RABIF: variants seen among roughly 807,000 people sequenced by gnomAD.
The protein encoded by RABIF is guanine nucleotide exchange factor MSS4.
In RABIF, 13 loss-of-function variants were observed where a neutral mutation model predicts 12.3. The ratio of observed to expected loss-of-function variants is 1.06; its 90% CI spans 0.69 to 1.68. The LOEUF (loss-of-function observed/expected upper bound fraction) is 1.68, where lower values mean the gene tolerates loss of function less well. RABIF is among the 40% of genes most tolerant of loss of function. The pLI, the probability that RABIF is intolerant of heterozygous loss-of-function variation, is 0.00. For synonymous variants in RABIF, 70 were observed against 63.3 expected, an observed-to-expected ratio of 1.11 and a Z score of -0.50; for missense variants, 153 against 158.0, an observed-to-expected ratio of 0.97 and a Z score of 0.17.
intron 1 of RABIF, among the ~76,000 whole-genome samples, chr1:202,885,749 A>G (rs1482397019): frequency 2.6e-5 from 4 of 152,208 alleles, no homozygotes; most frequent in African/African-American, 9.7e-5. Flanking sequence ...TCTACCTTCT[A>G]TTTACATCAT....
intron 1 of RABIF, among the ~76,000 whole-genome samples, chr1:202,887,857 CA>C (rs1242024444): frequency 6.6e-6 from 1 of 152,150 alleles, no homozygotes; most frequent in African/African-American, 2.4e-5. Context: ...ATGTATGTTT[CA>C]ATTCCAAGAT....
chr1:202,884,858 C>A (rs1659536497), intron 1 of RABIF, among the ~76,000 whole-genome samples: 1 of 151,702 alleles, frequency 6.6e-6, no homozygotes, highest in Admixed American at 6.6e-5. Context: ...GCTGAGGTGG[C>A]CGGATCACCT....
chr1:202,883,528 T>A (rs777314893), intron 1 of RABIF, among the ~76,000 whole-genome samples: 6 of 152,242 alleles, frequency 3.9e-5, no homozygotes, highest in Non-Finnish European at 7.3e-5. Flanking sequence ...TTATCCCCTA[T>A]ACTGTAGGTG....
chr1:202,879,726 T>C lies in RABIF; in HGVS notation c.*1252A>G, dbSNP rs1320035901. On this transcript the variant is annotated 3_prime_UTR_variant, in exon 2 of 2. Transcript: ENST00000367262. ...GGGGGTAAAGGAATGAGGAAGCAAC[T>C]AGAAAACAATGGAAGGGACTTCAGA... 2.6e-5 allele frequency: 4 copies of C among 152,228 alleles called. No homozygotes were observed. Among genetic ancestry groups the C allele is most frequent in the Admixed American group, 1.3e-4 (2 of 15,284 alleles). 9.4% of individuals were successfully genotyped at this position (152,228 alleles called of 1,614,324 possible).
chr1:202,888,315 T>C (rs1444972645), intron 1 of RABIF, among the ~76,000 whole-genome samples: 1 of 152,182 alleles, frequency 6.6e-6, no homozygotes, highest in African/African-American at 2.4e-5. Flanking sequence ...AAAGTTTTTC[T>C]TCGAAATTTA....
chr1:202,880,965 C>A lies in RABIF; in HGVS notation c.*13G>T. On this transcript the variant is annotated 3_prime_UTR_variant, in exon 2 of 2. Coordinates refer to ENST00000367262, the MANE Select transcript of RABIF (RefSeq NM_002871.5). ...TTATCTTTGGAGATGGAGCTGAGTACCCCTCCCCTCAGTTACTCATGGGAA... is the reference window on the plus strand; with the variant it reads ...TTATCTTTGGAGATGGAGCTGAGTAACCCTCCCCTCAGTTACTCATGGGAA... 6.2e-7 allele frequency: 1 copy of A among 1,611,900 alleles called. No homozygotes were observed. Among genetic ancestry groups the A allele is most frequent in the Non-Finnish European group, 8.5e-7 (1 of 1,178,228 alleles).
At chr1:202,884,729 G>C (rs1571504930) in intron 1 of RABIF, among the ~76,000 whole-genome samples, 2 of 152,050 alleles carry the variant, frequency 1.3e-5, no homozygotes, top group African/African-American at 4.8e-5. Flanking sequence ...CATCACATCA[G>C]AGACCCCCAG....
rs1221106452 is a variant in RABIF, at chr1:202,889,025, C to T, written c.74G>A (p.Arg25His). The T allele has an allele frequency of 3.1e-6, 5 of 1,606,534 alleles. No individual in the cohort carries two copies. Among genetic ancestry groups the T allele is most frequent in the Non-Finnish European group, 4.2e-6 (5 of 1,177,162 alleles). The change falls in exon 1 of 2, where the codon CGT (arginine) becomes CAT (histidine). Residue 25 changes from arginine (R) to histidine (H), a missense_variant. By Grantham distance (29) the Arg-to-His change is conservative (BLOSUM62 0). Coordinates refer to ENST00000367262, the MANE Select transcript of RABIF (RefSeq NM_002871.5). ...GRNRKAVLCQ[R>H]CGSRVLQPGT... ...TGGCTGCAGCACCCGGGAGCCGCAA[C>T]GCTGGCACAGCACCGCCTTCCGGTT...
rs754292384 is a variant in RABIF at position 202,880,856 on chromosome 1, G to A, written c.*122C>T. 16 of 1,511,674 alleles carry A rather than the reference G, an allele frequency of 1.1e-5. No homozygotes were observed. Among genetic ancestry groups the A allele is most frequent in the Admixed American group, 2.2e-5 (1 of 46,362 alleles). 93.6% of individuals were successfully genotyped at this position (1,511,674 alleles called of 1,614,324 possible). On this transcript the variant is annotated 3_prime_UTR_variant, in exon 2 of 2. Transcript: ENST00000367262. Reference sequence around the variant, plus strand: ...TCTGCATGTTCAAATGGACATGCTGGTACTCAGTATTTATATTAGCACAGA... The same window carrying A: ...TCTGCATGTTCAAATGGACATGCTGATACTCAGTATTTATATTAGCACAGA...
chr1:202,885,351 G>T, intron 1 of RABIF, among the ~76,000 whole-genome samples: 1 of 152,212 alleles, frequency 6.6e-6, no homozygotes, highest in Middle Eastern at 3.2e-3. Context: ...TGGCAATCTA[G>T]TTCTCCAACT....
rs1262875511 is a variant in RABIF, at chr1:202,878,866, T to A, written c.*2112A>T. On this transcript the variant is annotated 3_prime_UTR_variant, in exon 2 of 2. Transcript: ENST00000367262. ...TATAGCTGACTAGATAATCAGTTGG[T>A]TGACCTTAAGCTAAACCCCAAGGTT... The A allele has an allele frequency of 6.6e-6, 1 of 152,228 alleles. No homozygotes were observed. The highest frequency in any genetic ancestry group is 1.5e-5 in the Non-Finnish European group (1 of 68,034). The allele number at this position is 152,228 out of a possible 1,614,324, so 9.4% of individuals were successfully genotyped here. A position where few individuals can be genotyped will look rare whatever the true frequency, so the allele number is the denominator to read the frequency against.
At position 202,879,045 on chromosome 1, in the gene RABIF, T is replaced by C. The variant is rs541573072; in HGVS notation, c.*1933A>G. The C allele has an allele frequency of 6.6e-6, 1 of 152,362 alleles. No individual in the cohort carries two copies. Among genetic ancestry groups the C allele is most frequent in the African/African-American group, 2.4e-5 (1 of 41,586 alleles). 9.4% of individuals were successfully genotyped at this position (152,362 alleles called of 1,614,324 possible). A position where few individuals can be genotyped will look rare whatever the true frequency, so the allele number is the denominator to read the frequency against. Reference sequence around the variant, plus strand: ...ATATTTTTGGCTACTAGGGCAACATTTGGCAGTTCTCAAAAAAGGAAATAG... The same window carrying C: ...ATATTTTTGGCTACTAGGGCAACATCTGGCAGTTCTCAAAAAAGGAAATAG... On this transcript the variant is annotated 3_prime_UTR_variant, in exon 2 of 2. Coordinates refer to ENST00000367262, the MANE Select transcript of RABIF (RefSeq NM_002871.5).
At chr1:202,883,430 G>A (rs1489742416) in intron 1 of RABIF, among the ~76,000 whole-genome samples, 2 of 152,158 alleles carry the variant, frequency 1.3e-5, no homozygotes, top group Non-Finnish European at 2.9e-5. Flanking sequence ...AGAGAGTTAG[G>A]AATCAAAATT....
intron 1 of RABIF, 69 bp from the exon 2 acceptor site, chr1:202,881,292 A>G: frequency 6.5e-7 from 1 of 1,539,212 alleles, no homozygotes; most frequent in East Asian, 2.3e-5. Flanking sequence ...CCCCCGTTCT[A>G]GGTACACTTC....
intron 1 of RABIF, among the ~76,000 whole-genome samples, 153 bp downstream of exon 1, chr1:202,888,820 A>G (rs1659604574): frequency 6.6e-6 from 1 of 152,168 alleles, no homozygotes; most frequent in Admixed American, 6.5e-5. Flanking sequence ...CCAGGGGCGG[A>G]GCCTCGCCGA....
At chr1:202,888,750 G>A (rs1659602603) in intron 1 of RABIF, among the ~76,000 whole-genome samples, 2 of 152,190 alleles carry the variant, frequency 1.3e-5, no homozygotes, top group Non-Finnish European at 2.9e-5. Context: ...CCCAGGGAAG[G>A]GTTCCCGCGG....
intron 1 of RABIF, among the ~76,000 whole-genome samples, chr1:202,882,522 C>T (rs910505765): frequency 6.6e-6 from 1 of 152,154 alleles, no homozygotes; most frequent in African/African-American, 2.4e-5. Flanking sequence ...TGCCACTGTA[C>T]TCCAACCTGG....
At chr1:202,885,086 C>CAAAAAAAA (rs113531957) in intron 1 of RABIF, among the ~76,000 whole-genome samples, 16 of 120,654 alleles carry the variant, frequency 1.3e-4, no homozygotes, top group South Asian at 3.1e-4. Context: ...GACTCTATCT[C>CAAAAAAAA]AAAAAAAAAA....
In RABIF at chr1:202,878,699, C is replaced by G. The variant is rs140093502; in HGVS notation, c.*2279G>C. Among the ~76,000 whole-genome samples the G allele has an allele frequency of 2.0e-3, 303 of 152,314 alleles. 2 individuals carry two copies. Among genetic ancestry groups the G allele is most frequent in the African/African-American group, 6.8e-3 (284 of 41,576 alleles). On this transcript the variant is annotated 3_prime_UTR_variant, in exon 2 of 2. Transcript: ENST00000367262. ...GCTTTCACAAAATCAACTGCTCTCC[C>G]CAATAGAAAACGGAAGTTTCTATAC...
Sources: allele counts gnomAD v4.1 joint callset (sites outside exome capture counted in the v4.1 genomes callset), GRCh38; gene constraint gnomAD v4.1.1; transcripts MANE v1.5; gene names NCBI Gene and HGNC (gene_info 2026-07-23, HGNC 2026-07-21).